Variants in SYNPO2 observed in about 807,000 individuals in gnomAD.
The protein encoded by SYNPO2 is synaptopodin-2.
A neutral mutation model predicts 85.0 loss-of-function variants in SYNPO2; 56 were observed. The ratio of observed to expected loss-of-function variants is 0.66; its 90% confidence interval spans 0.53 to 0.82. The LOEUF (loss-of-function observed/expected upper bound fraction) is 0.82, where lower values mean the gene tolerates loss of function less well. SYNPO2 is among the 40% of genes least tolerant of loss of function. The pLI, the probability that SYNPO2 is intolerant of heterozygous loss-of-function variation, is 0.00. For synonymous variants in SYNPO2, 602 were observed against 591.1 expected (o/e 1.02, Z -0.27); for missense variants, 1,575 against 1,534.2 (o/e 1.03, Z -0.44).
chr4:119,035,885 T>C (rs1738493102), intron 4 of SYNPO2: 1 of 985,342 alleles, frequency 1.0e-6, no homozygotes, highest in Non-Finnish European at 1.2e-6. Flanking sequence ...GAGACCATTT[T>C]CCTATTTGCA....
At chr4:118,957,990 C>G (rs543129126) in intron 1 of SYNPO2, among the ~76,000 whole-genome samples, 2 of 152,296 alleles carry the variant, frequency 1.3e-5, no homozygotes, top group East Asian at 3.9e-4. Context: ...ATGTGGAGAA[C>G]ACAGTGCTGA....
chr4:118,885,616 G>T (rs981421236), upstream of SYNPO2, among the ~76,000 whole-genome samples: 4 of 152,030 alleles, frequency 2.6e-5, no homozygotes, highest in African/African-American at 7.2e-5. Flanking sequence ...GGGATTACAG[G>T]TGTGCACCAC....
intron 1 of SYNPO2, among the ~76,000 whole-genome samples, chr4:118,980,807 AG>A (rs575701358): frequency 3.9e-4 from 59 of 151,932 alleles, no homozygotes; most frequent in African/African-American, 1.3e-3. Flanking sequence ...GCTGCCTCTT[AG>A]GCCTCATCCT....
At position 119,031,407 on chromosome 4, in the gene SYNPO2, A is replaced by T. The variant is rs1191124646; in HGVS notation, c.2632A>T (p.Lys878Ter). The change falls in exon 4 of 5, where the codon AAA becomes TAA. Residue 878 changes from lysine to a stop codon, truncating the protein, a stop_gained. Transcript: ENST00000307142. LOFTEE classifies it high-confidence loss of function. Reference sequence around the variant, plus strand: ...TGGGAGAGGAGCTCAGCTCTTTGCTAAAAGGCAGTCGAGAATGGAGAAGTA... The same window carrying T: ...TGGGAGAGGAGCTCAGCTCTTTGCTTAAAGGCAGTCGAGAATGGAGAAGTA... ...MSGRGAQLFA[K>*]RQSRMEKYVV... 3 of 1,614,182 alleles carry T rather than the reference A, an allele frequency of 1.9e-6. No homozygotes were observed. The highest frequency in any genetic ancestry group is 2.5e-6 in the Non-Finnish European group (3 of 1,180,032).
At chr4:118,893,537 T>C (rs1392545906) in intron 1 of SYNPO2, among the ~76,000 whole-genome samples, 1 of 152,160 alleles carries the variant, frequency 6.6e-6, no homozygotes, top group Non-Finnish European at 1.5e-5. Context: ...AATGATGAGA[T>C]TTGATTTTTC....
intron 1 of SYNPO2, among the ~76,000 whole-genome samples, chr4:118,988,282 T>C (rs190353640): frequency 1.3e-5 from 2 of 152,308 alleles, no homozygotes; most frequent in Admixed American, 1.3e-4. Flanking sequence ...TTGTACACTG[T>C]CATGTTTTTA....
intron 1 of SYNPO2, among the ~76,000 whole-genome samples, chr4:118,868,984 G>A (rs992701376): frequency 1.4e-4 from 21 of 152,238 alleles, no homozygotes; most frequent in Admixed American, 3.3e-4. Flanking sequence ...GCCTGTTGTC[G>A]TCTATTCCCA....
intron 1 of SYNPO2, among the ~76,000 whole-genome samples, chr4:118,972,686 C>T (rs1227106159): frequency 1.3e-5 from 2 of 152,142 alleles, no homozygotes; most frequent in East Asian, 3.8e-4. Context: ...GTCAGGTTTA[C>T]AGAGTCAGCA....
chr4:119,056,426 G>A (rs1356074739), intron 4 of SYNPO2, among the ~76,000 whole-genome samples: 1 of 151,964 alleles, frequency 6.6e-6, no homozygotes, highest in Non-Finnish European at 1.5e-5. Flanking sequence ...GCATAGTGGT[G>A]TGCACCTGTA....
intron 1 of SYNPO2, among the ~76,000 whole-genome samples, chr4:118,859,028 C>G (rs1429707588): frequency 6.6e-6 from 1 of 152,134 alleles, no homozygotes; most frequent in Admixed American, 6.5e-5. Context: ...GAGGCCAAGT[C>G]TTAAAGTTTT....
At chr4:118,925,571 A>G (rs1432028278) in intron 1 of SYNPO2, among the ~76,000 whole-genome samples, 1 of 152,184 alleles carries the variant, frequency 6.6e-6, no homozygotes, top group Non-Finnish European at 1.5e-5. Context: ...CTGTAAGGAC[A>G]GAGGCCTAGA....
intron 1 of SYNPO2, among the ~76,000 whole-genome samples, chr4:118,939,614 C>T (rs137905345): frequency 3.9e-5 from 6 of 152,230 alleles, no homozygotes; most frequent in African/African-American, 7.2e-5. Context: ...GTGTGTGTGG[C>T]GCTCCTATTA....
intron 1 of SYNPO2, among the ~76,000 whole-genome samples, chr4:118,999,814 C>G (rs1048813862): frequency 1.3e-5 from 2 of 152,154 alleles, no homozygotes; most frequent in African/African-American, 4.8e-5. Context: ...ACACAGAGAA[C>G]AGTTTCCTTC....
At position 118,904,752 on chromosome 4, in the gene SYNPO2, G is replaced by A. The variant is rs114201486; in HGVS notation, c.105+15611G>A. Among the ~76,000 whole-genome samples the A allele has an allele frequency of 4.9e-3, 751 of 152,162 alleles. 7 individuals are homozygous for A. Among genetic ancestry groups the A allele is most frequent in the African/African-American group, 0.016 (663 of 41,504 alleles). Reference sequence around the variant, plus strand: ...TGGAGTTTTTAGCTTTTCAAACAGTGGTGAGTTATTTTCATCAGTCGAGAT... The same window carrying A: ...TGGAGTTTTTAGCTTTTCAAACAGTAGTGAGTTATTTTCATCAGTCGAGAT... On this transcript the variant is annotated intron_variant, in intron 1 of 4. Coordinates refer to ENST00000307142, the MANE Select transcript of SYNPO2 (RefSeq NM_133477.3).
chr4:118,853,060 T>C (rs1731446510), intron 1 of SYNPO2, among the ~76,000 whole-genome samples: 1 of 152,208 alleles, frequency 6.6e-6, no homozygotes, highest in Admixed American at 6.5e-5. Flanking sequence ...TCAAGTTTTA[T>C]CATTGGCAAG....
At chr4:118,896,181 A>T (rs1696941101) in intron 1 of SYNPO2, among the ~76,000 whole-genome samples, 1 of 152,242 alleles carries the variant, frequency 6.6e-6, no homozygotes, top group East Asian at 1.9e-4. Flanking sequence ...AATGACTTTA[A>T]TACAGAGTTT....
chr4:118,988,124 G>A (rs1368064131), intron 1 of SYNPO2, among the ~76,000 whole-genome samples: 1 of 152,182 alleles, frequency 6.6e-6, no homozygotes, highest in Non-Finnish European at 1.5e-5. Context: ...GAGCAGGAAA[G>A]TTATTTTAGT....
intron 1 of SYNPO2, among the ~76,000 whole-genome samples, chr4:118,978,688 A>G (rs1051932604): frequency 1.3e-5 from 2 of 152,078 alleles, no homozygotes; most frequent in African/African-American, 4.8e-5. Context: ...CTGCTTCCAG[A>G]TTTTTTAAAA....
intron 1 of SYNPO2, among the ~76,000 whole-genome samples, chr4:118,924,585 T>C (rs1194424066): frequency 1.3e-5 from 2 of 152,200 alleles, no homozygotes; most frequent in African/African-American, 2.4e-5. Context: ...TGCCCACATA[T>C]ACCCATCTTT....
Sources: gnomAD v4.1 joint callset for allele counts (sites outside exome capture counted in the v4.1 genomes callset) on GRCh38, gnomAD v4.1.1 for gene constraint, MANE v1.5 for transcripts, NCBI Gene and HGNC (gene_info 2026-07-23, HGNC 2026-07-21) for gene names.